The following TMEM33 variants were observed in gnomAD, a reference collection of about 807,000 sequenced individuals.
TMEM33 encodes the protein transmembrane protein 33.
Under a neutral mutation model 29.7 loss-of-function variants are expected in TMEM33, and 16 were observed. The observed-to-expected ratio is 0.54, with a 90% CI of 0.36 to 0.82. The LOEUF (loss-of-function observed/expected upper bound fraction) is 0.82, where lower values mean the gene tolerates loss of function less well. Ranked by LOEUF, TMEM33 falls within the 40% of genes least tolerant of loss-of-function variation. TMEM33 has a pLI of 0.00. For synonymous variants in TMEM33, 112 were observed against 109.4 expected (o/e 1.02, Z -0.15); for missense variants, 252 against 295.3 (o/e 0.85, Z 1.08).
intron 5 of TMEM33, among the ~76,000 whole-genome samples, chr4:41,948,648 A>G (rs1378566292): frequency 6.6e-6 from 1 of 152,114 alleles, no homozygotes; most frequent in Non-Finnish European, 1.5e-5. Flanking sequence ...AGGTAGTTGC[A>G]TATTAAATCC....
At chr4:41,953,847 A>G (rs757919899) in intron 6 of TMEM33, 17 of 568,270 alleles carry the variant, frequency 3.0e-5, no homozygotes, top group Non-Finnish European at 2.7e-5. Flanking sequence ...TAGATTAATA[A>G]TGAAAACATT....
At chr4:41,937,229 A>G (rs377432667) in intron 1 of TMEM33, among the ~76,000 whole-genome samples, 17 of 152,232 alleles carry the variant, frequency 1.1e-4, no homozygotes, top group Admixed American at 1.3e-4. Context: ...TTTAAGGAGA[A>G]TGTTCTAAAA....
upstream of TMEM33, chr4:41,935,381 G>C (rs1039560702): frequency 3.2e-6 from 4 of 1,267,922 alleles, no homozygotes; most frequent in African/African-American, 5.9e-5. Flanking sequence ...TGTGGCGCGA[G>C]GCAGGGAAGC....
intron 6 of TMEM33, among the ~76,000 whole-genome samples, chr4:41,949,706 A>G (rs998732969): frequency 6.6e-6 from 1 of 152,186 alleles, no homozygotes; most frequent in African/African-American, 2.4e-5. Context: ...AATTAGATAA[A>G]CAATGGTTAG....
At chr4:41,947,260 G>A (rs879616847) in intron 5 of TMEM33, among the ~76,000 whole-genome samples, 2 of 151,376 alleles carry the variant, frequency 1.3e-5, no homozygotes, top group Non-Finnish European at 2.9e-5. Context: ...GATAGATACC[G>A]AGACTAGTTT....
rs775304327 is a variant in TMEM33, at chr4:41,939,261, G to A, written c.206G>A (p.Arg69Lys). 1 of 1,613,412 alleles carries A rather than the reference G, an allele frequency of 6.2e-7. No homozygotes were observed. The highest frequency in any genetic ancestry group is 8.5e-7 in the Non-Finnish European group (1 of 1,179,858). Residue 69 changes from arginine to lysine, a missense_variant, in exon 3 of 7, where the codon AGG (arginine) becomes AAG (lysine). Transcript: ENST00000504986. Reference protein sequence around the residue: ...LLANALTSALRLHQRLPHFQL... With the variant: ...LLANALTSALKLHQRLPHFQL... The stretch of plus-strand genomic sequence containing the variant: ...GCAAATGCTCTTACCAGTGCTCTGA[G>A]GCTGCATCAAAGATTACCACACTTC...
chr4:41,953,800 AGATCACC>A (rs1437607471), intron 6 of TMEM33: 1 of 488,030 alleles, frequency 2.0e-6, no homozygotes, highest in African/African-American at 1.9e-5. Context: ...AACACCAAAG[AGATCACC>A]GTAACAGAAC....
chr4:41,945,840 G>A (rs948256700), intron 5 of TMEM33, among the ~76,000 whole-genome samples: 18 of 151,886 alleles, frequency 1.2e-4, no homozygotes, highest in African/African-American at 4.1e-4. Context: ...GCATGGTGGT[G>A]CACACCTGTA....
At chr4:41,941,069 T>C (rs1160214526) in intron 3 of TMEM33, among the ~76,000 whole-genome samples, 2 of 152,186 alleles carry the variant, frequency 1.3e-5, no homozygotes, top group African/African-American at 2.4e-5. Context: ...GGTAATTTCA[T>C]TTAAATATTC....
At chr4:41,935,247 C>T, upstream of TMEM33, 2 of 597,552 alleles carry the variant, frequency 3.3e-6, no homozygotes, top group South Asian at 2.0e-5. Flanking sequence ...GCTTTGATCT[C>T]GGCGGTGCGG....
rs1338208788 is a variant in TMEM33 at position 41,937,171 on chromosome 4, G to A, written c.46-1431G>A. Among the ~76,000 whole-genome samples the A allele has an allele frequency of 2.6e-5, 4 of 151,764 alleles. No homozygotes were observed. The East Asian group carries it at 5.8e-4, about 22-fold the overall frequency. Reference sequence around the variant, plus strand: ...TACATAAGTGTGTACAAAATGAAACGCATAGCTCAATGATTTATTGCAGAA... The same window carrying A: ...TACATAAGTGTGTACAAAATGAAACACATAGCTCAATGATTTATTGCAGAA... On this transcript the variant is annotated intron_variant, in intron 1 of 6. Coordinates refer to ENST00000504986, the MANE Select transcript of TMEM33 (RefSeq NM_018126.3).
chr4:41,940,870 T>G (rs1326860967), intron 3 of TMEM33, among the ~76,000 whole-genome samples: 1 of 150,674 alleles, frequency 6.6e-6, no homozygotes, highest in Admixed American at 6.6e-5. Context: ...TGAAAAAAAT[T>G]GTTGTGGTAT....
intron 5 of TMEM33, 56 bp downstream of exon 5, chr4:41,944,982 GTA>G: frequency 6.3e-7 from 1 of 1,586,670 alleles, no homozygotes; most frequent in Non-Finnish European, 8.5e-7. Context: ...AATAAAGATA[GTA>G]ACTCAAGTTT....
Position 41,943,834 on chromosome 4 carries a change from G to T in TMEM33, c.396+20G>T, listed in dbSNP as rs757358054. The T allele has an allele frequency of 1.2e-6, 2 of 1,608,396 alleles. No homozygotes were observed. Among genetic ancestry groups the T allele is most frequent in the Non-Finnish European group, 1.7e-6 (2 of 1,175,572 alleles). On this transcript the variant is annotated intron_variant, in intron 4 of 6. Transcript: ENST00000504986. Reference sequence around the variant, plus strand: ...CTTGACGTAAGTAAAACTGCTCTTTGTCTGACTTCTGAATTACAGATCATT... The same window carrying T: ...CTTGACGTAAGTAAAACTGCTCTTTTTCTGACTTCTGAATTACAGATCATT...
At chr4:41,950,144 C>G (rs746154253) in intron 6 of TMEM33, among the ~76,000 whole-genome samples, 1 of 151,936 alleles carries the variant, frequency 6.6e-6, no homozygotes, top group Non-Finnish European at 1.5e-5. Context: ...GAGTTTGAAG[C>G]AGAAAAATGG....
At chr4:41,935,616 G>A in intron 1 of TMEM33, 87 bp downstream of exon 1, 1 of 1,346,962 alleles carries the variant, frequency 7.4e-7, no homozygotes, top group South Asian at 1.3e-5. Flanking sequence ...CGTTCCAGAA[G>A]CTCAGTGCAT....
At chr4:41,936,683 C>T (rs1330190609) in intron 1 of TMEM33, among the ~76,000 whole-genome samples, 1 of 152,120 alleles carries the variant, frequency 6.6e-6, no homozygotes, top group Non-Finnish European at 1.5e-5. Context: ...GAGCGAGACC[C>T]TATCTCAGAA....
At chr4:41,943,477 A>G (rs1418295226) in intron 3 of TMEM33, among the ~76,000 whole-genome samples, 2 of 152,006 alleles carry the variant, frequency 1.3e-5, no homozygotes, top group South Asian at 2.1e-4. Flanking sequence ...GTGAGCCAAG[A>G]TTACGCCATT....
At chr4:41,935,914 G>T (rs975108816) in intron 1 of TMEM33, among the ~76,000 whole-genome samples, 4 of 152,226 alleles carry the variant, frequency 2.6e-5, no homozygotes, top group Non-Finnish European at 5.9e-5. Context: ...TGCCGGCAAA[G>T]AACGTTTCTG....
Sources: gnomAD v4.1 joint callset for allele counts (sites outside exome capture counted in the v4.1 genomes callset) on GRCh38, gnomAD v4.1.1 for gene constraint, MANE v1.5 for transcripts, NCBI Gene and HGNC (gene_info 2026-07-23, HGNC 2026-07-21) for gene names.